The following APPL1 variants were observed in gnomAD, a reference collection of about 807,000 sequenced individuals.
APPL1 encodes the protein DCC-interacting protein 13-alpha.
A neutral mutation model predicts 106.8 loss-of-function variants in APPL1; 42 were observed. The observed-to-expected ratio is 0.39, with a 90% CI of 0.31 to 0.51. APPL1 has a LOEUF of 0.51. Ranked by LOEUF, APPL1 falls within the 20% of genes least tolerant of loss-of-function variation. The pLI, the probability that APPL1 is intolerant of heterozygous loss-of-function variation, is 0.75. For synonymous variants in APPL1, 263 were observed against 281.8 expected, an observed-to-expected ratio of 0.93 and a Z score of 0.67; for missense variants, 769 against 858.2, an observed-to-expected ratio of 0.90 and a Z score of 1.30.
chr3:57,242,815 A>G, intron 6 of APPL1, 41 bp from the exon 7 acceptor site: 1 of 1,478,562 alleles, frequency 6.8e-7, no homozygotes. Flanking sequence ...TAAGTTTTGA[A>G]AAGTACTGTT....
intron 13 of APPL1, among the ~76,000 whole-genome samples, chr3:57,256,072 A>G (rs1004935433): frequency 6.6e-6 from 1 of 152,176 alleles, no homozygotes; most frequent in Non-Finnish European, 1.5e-5. Context: ...GACCATTTTT[A>G]TGGAATAGTG....
At position 57,254,634 on chromosome 3, in the gene APPL1, C is replaced by CT. The variant is rs201543109; in HGVS notation, c.1152+904dup. 8.4e-3 allele frequency among the ~76,000 whole-genome samples: 1,280 copies of CT among 151,870 alleles called. 15 individuals are homozygous for CT. Among genetic ancestry groups the CT allele is most frequent in the African/African-American group, 0.024 (998 of 41,414 alleles). The stretch of plus-strand genomic sequence containing the variant: ...GAAACTAGCAGTGTAATTAAAGATT[C>CT]TTTTTTTTGAGACAGAGTCTTGCGG... On this transcript the variant is annotated intron_variant, in intron 13 of 21. Coordinates refer to ENST00000288266, the MANE Select transcript of APPL1 (RefSeq NM_012096.3).
intron 5 of APPL1, 119 bp from the exon 6 acceptor site, chr3:57,241,982 A>T: frequency 1.5e-6 from 1 of 680,740 alleles, no homozygotes; most frequent in Non-Finnish European, 2.4e-6. Context: ...TTCACCCTGA[A>T]TGTTGAACTA....
In APPL1 at chr3:57,227,732, C is replaced by G. The variant is rs965683268; in HGVS notation, c.-152C>G. On this transcript the variant is annotated 5_prime_UTR_variant, in exon 1 of 22. Transcript: ENST00000288266. ...GGCCGAGGGGGCGGGATTTCCCGCA[C>G]GGCCGCTCGGCGCCTGGAGAAGGCT... is the stretch of plus-strand genomic sequence containing the variant. 5 of 593,666 alleles carry G rather than the reference C, an allele frequency of 8.4e-6. No homozygotes were observed. Among genetic ancestry groups the G allele is most frequent in the Non-Finnish European group, 1.2e-5 (5 of 405,414 alleles). 36.8% of individuals were successfully genotyped at this position (593,666 alleles called of 1,614,324 possible). A position where few individuals can be genotyped will look rare whatever the true frequency, so the allele number is the denominator to read the frequency against.
chr3:57,247,939 C>A (rs1174577463), intron 9 of APPL1, among the ~76,000 whole-genome samples: 3 of 152,152 alleles, frequency 2.0e-5, no homozygotes, highest in Non-Finnish European at 4.4e-5. Flanking sequence ...CAGGGCAGAA[C>A]AGTTTGAAAA....
chr3:57,257,024 G>A lies in APPL1; in HGVS notation c.1220G>A (p.Arg407Lys). The change falls in exon 14 of 22, where the codon AGG becomes AAG. Residue 407 changes from arginine (R) to lysine (K), a missense_variant. Transcript: ENST00000288266. Reference protein sequence around the residue: ...AVTPSPSFQQRHESLRPAAGQ... With the variant: ...AVTPSPSFQQKHESLRPAAGQ... ...ACTCCTTCCCCATCTTTCCAGCAGAGGCACGAGAGCCTGCGGCCAGCAGCA... is the reference window on the plus strand; with the variant it reads ...ACTCCTTCCCCATCTTTCCAGCAGAAGCACGAGAGCCTGCGGCCAGCAGCA... 6.2e-7 allele frequency: 1 copy of A among 1,614,162 alleles called. No individual in the cohort carries two copies. The highest frequency in any genetic ancestry group is 1.3e-5 in the African/African-American group (1 of 75,030).
chr3:57,249,337 G>A, intron 10 of APPL1, 23 bp from the exon 11 acceptor site: 1 of 1,611,984 alleles, frequency 6.2e-7, no homozygotes, highest in South Asian at 1.1e-5. Context: ...TTATTAAAGA[G>A]TGAATGTGCT....
chr3:57,259,734 T>G, intron 16 of APPL1, 111 bp from the exon 17 acceptor site: 1 of 931,860 alleles, frequency 1.1e-6, no homozygotes, highest in Non-Finnish European at 1.5e-6. Flanking sequence ...CTAGAAAACC[T>G]AAAAGGAGGC....
chr3:57,240,507 G>A lies in APPL1; in HGVS notation c.328G>A (p.Ala110Thr), dbSNP rs369970448. 1.7e-5 allele frequency: 28 copies of A among 1,613,686 alleles called. No individual in the cohort carries two copies. Among genetic ancestry groups the A allele is most frequent in the Non-Finnish European group, 2.3e-5 (27 of 1,179,858 alleles). The part of the protein sequence containing the change: ...HAVLSTQLAD[A>T]MMFPITQFKE... ...AGTGCTTTCAACTCAACTTGCTGAT[G>A]CCATGATGTTCCCCATTACCCAGTT... Residue 110 changes from alanine (A) to threonine (T), a missense_variant, in exon 5 of 22, where the codon GCC becomes ACC. Coordinates refer to ENST00000288266, the MANE Select transcript of APPL1 (RefSeq NM_012096.3).
chr3:57,260,833 A>T, intron 19 of APPL1, 59 bp downstream of exon 19: 1 of 1,410,738 alleles, frequency 7.1e-7, no homozygotes, highest in South Asian at 1.6e-5. Flanking sequence ...TCTTACTAAG[A>T]TTTAATAATA....
chr3:57,260,049 A>G, intron 17 of APPL1, 30 bp downstream of exon 17: 2 of 1,608,226 alleles, frequency 1.2e-6, no homozygotes, highest in Non-Finnish European at 1.7e-6. Flanking sequence ...AAAAAACTGT[A>G]GAAAAAACAT....
chr3:57,252,809 A>G (rs1181937232), intron 12 of APPL1, among the ~76,000 whole-genome samples: 1 of 152,186 alleles, frequency 6.6e-6, no homozygotes, highest in Non-Finnish European at 1.5e-5. Context: ...TACTCCTAGT[A>G]TATCAGATAT....
At chr3:57,249,268 A>G in intron 10 of APPL1, 92 bp from the exon 11 acceptor site, 5 of 1,342,158 alleles carry the variant, frequency 3.7e-6, no homozygotes, top group Admixed American at 4.0e-5. Flanking sequence ...TTCGCAAGCC[A>G]GTTCATTGTA....
At position 57,266,973 on chromosome 3, in the gene APPL1, C is replaced by T. The variant is rs1380022686; in HGVS notation, c.1843-769C>T. ...CATGTGTCTTATTTTTATAACAATC[C>T]CCTGCTGTTTTGCTTACTATAGCCT... On this transcript the variant is annotated intron_variant, in intron 19 of 21. Coordinates refer to ENST00000288266, the MANE Select transcript of APPL1 (RefSeq NM_012096.3). Among the ~76,000 whole-genome samples the T allele has an allele frequency of 3.9e-5, 6 of 152,064 alleles. No homozygotes were observed. The East Asian group carries it at 1.2e-3, about 29-fold the overall frequency.
Position 57,257,319 on chromosome 3 carries a change from C to G in APPL1, c.1321C>G (p.Leu441Val), listed in dbSNP as rs201500452. The G allele has an allele frequency of 2.1e-5, 34 of 1,614,048 alleles. No individual in the cohort carries two copies. Among genetic ancestry groups the G allele is most frequent in the South Asian group, 1.6e-4 (15 of 91,060 alleles). Residue 441 changes from leucine (L) to valine (V), a missense_variant, in exon 15 of 22, where the codon CTC (leucine) becomes GTC (valine). Transcript: ENST00000288266. ...LGSESTNLAA[L>V]SLDSLVAPDT... The stretch of plus-strand genomic sequence containing the variant: ...ATCTGAGTCTACAAATTTGGCTGCC[C>G]TCTCTCTAGATTCTCTTGTTGCCCC...
intron 19 of APPL1, among the ~76,000 whole-genome samples, chr3:57,262,310 C>A (rs920828612): frequency 4.9e-5 from 7 of 142,084 alleles, no homozygotes; most frequent in Admixed American, 1.4e-4. Context: ...GGCATAAAAT[C>A]TTTGCCGAGA....
chr3:57,254,052 A>G (rs2060820894), intron 13 of APPL1, among the ~76,000 whole-genome samples: 1 of 152,066 alleles, frequency 6.6e-6, no homozygotes, highest in Non-Finnish European at 1.5e-5. Context: ...TAGTAGAGAC[A>G]GGATTTGGCC....
In APPL1 at chr3:57,268,524, T is replaced by C. The variant is rs2060911188; in HGVS notation, c.1983+37T>C. On this transcript the variant is annotated intron_variant, in intron 21 of 21. Coordinates refer to ENST00000288266, the MANE Select transcript of APPL1 (RefSeq NM_012096.3). Reference sequence around the variant, plus strand: ...TAATGTCTGGATCTTTATGTGTTGTTTGTGAAGACTTAATTCAGCACTATG... The same window carrying C: ...TAATGTCTGGATCTTTATGTGTTGTCTGTGAAGACTTAATTCAGCACTATG... 2.6e-6 allele frequency: 4 copies of C among 1,544,326 alleles called. No homozygotes were observed. The East Asian group carries it at 6.8e-5, about 26-fold the overall frequency.
At chr3:57,237,675 G>A (rs1223542427) in intron 3 of APPL1, 124 bp downstream of exon 3, 1 of 633,716 alleles carries the variant, frequency 1.6e-6, no homozygotes, top group Non-Finnish European at 2.7e-6. Flanking sequence ...TTTCATGATA[G>A]CACTTATGTT....
Sources: allele counts gnomAD v4.1 joint callset (sites outside exome capture counted in the v4.1 genomes callset), GRCh38; gene constraint gnomAD v4.1.1; transcripts MANE v1.5; gene names NCBI Gene and HGNC (gene_info 2026-07-23, HGNC 2026-07-21).